The following CTDSPL variants were observed in gnomAD, a reference collection of about 807,000 sequenced individuals.
CTDSPL encodes the protein CTD small phosphatase like.
A neutral mutation model predicts 30.5 loss-of-function variants in CTDSPL; 8 were observed. The ratio of observed to expected loss-of-function variants is 0.26; its 90% confidence interval spans 0.15 to 0.47. The LOEUF (loss-of-function observed/expected upper bound fraction) is 0.47, where lower values mean the gene tolerates loss of function less well. CTDSPL is among the 20% of genes least tolerant of loss of function. The probability of loss-of-function intolerance (pLI) is 0.99; values close to 1 mark genes in which losing one functional copy is unlikely to be tolerated. For missense variants in CTDSPL, 248 were observed against 366.1 expected, an observed-to-expected ratio of 0.68 and a Z score of 2.63; for synonymous variants, 110 against 137.9, an observed-to-expected ratio of 0.80 and a Z score of 1.42.
intron 1 of CTDSPL, among the ~76,000 whole-genome samples, chr3:37,901,022 C>T (rs953545053): frequency 2.0e-5 from 3 of 152,148 alleles, no homozygotes; most frequent in Admixed American, 6.5e-5. Context: ...GTCTCAAACT[C>T]CTGACCTCAG....
chr3:37,894,699 A>G (rs1280683670), intron 1 of CTDSPL, among the ~76,000 whole-genome samples: 1 of 152,192 alleles, frequency 6.6e-6, no homozygotes, highest in East Asian at 1.9e-4. Context: ...AACCTATGGT[A>G]GACCTTTCAA....
intron 1 of CTDSPL, among the ~76,000 whole-genome samples, chr3:37,943,123 G>A (rs1472355795): frequency 6.7e-6 from 1 of 150,186 alleles, no homozygotes; most frequent in African/African-American, 2.4e-5. Context: ...GGAGTGGTGA[G>A]CCCCATTTAG....
intron 1 of CTDSPL, among the ~76,000 whole-genome samples, chr3:37,942,130 G>A (rs1370879719): frequency 6.7e-6 from 1 of 150,122 alleles, no homozygotes; most frequent in Non-Finnish European, 1.5e-5. Flanking sequence ...AATTTTTAGA[G>A]CAATTGATTA....
At chr3:37,974,450 G>A (rs1277095720) in intron 6 of CTDSPL, among the ~76,000 whole-genome samples, 2 of 152,242 alleles carry the variant, frequency 1.3e-5, no homozygotes, top group East Asian at 3.9e-4. Context: ...CCCTGGCAGA[G>A]TCACTGGGTC....
At chr3:37,899,891 C>G (rs901013316) in intron 1 of CTDSPL, among the ~76,000 whole-genome samples, 3 of 152,156 alleles carry the variant, frequency 2.0e-5, no homozygotes, top group African/African-American at 7.2e-5. Context: ...TTCTCTGGGT[C>G]TCAGTTTCCT....
intron 1 of CTDSPL, chr3:37,911,613 G>A: frequency 1.3e-5 from 6 of 452,580 alleles, no homozygotes; most frequent in South Asian, 7.8e-5. Flanking sequence ...CAAATAACAG[G>A]GATTTTTGTT....
chr3:37,971,708 G>T (rs1036046968), intron 6 of CTDSPL, among the ~76,000 whole-genome samples: 17 of 152,228 alleles, frequency 1.1e-4, no homozygotes, highest in African/African-American at 3.9e-4. Context: ...GGAGCACTTA[G>T]AACAAATGCT....
At chr3:37,869,649 G>A (rs529772305) in intron 1 of CTDSPL, among the ~76,000 whole-genome samples, 3 of 152,086 alleles carry the variant, frequency 2.0e-5, no homozygotes, top group African/African-American at 4.8e-5. Context: ...GCAGTATGTC[G>A]AACAAGAGTA....
At chr3:37,973,496 T>G (rs1206980789) in intron 6 of CTDSPL, among the ~76,000 whole-genome samples, 2 of 152,256 alleles carry the variant, frequency 1.3e-5, no homozygotes, top group African/African-American at 4.8e-5. Flanking sequence ...CCAGCCTTGC[T>G]GAGCCGAATC....
rs58061973 is a variant in CTDSPL, at chr3:37,964,032, TAAAAAAAAAAAAAAA to T, written c.268-516_268-502del. ...CAAGTTTTTTAAAAATCTCAGTCAC[TAAAAAAAAAAAAAAA>T]AAAAAAAAAAAAAAAAAAAAAATCT... On this transcript the variant is annotated intron_variant, in intron 3 of 7. Transcript: ENST00000273179. Among the ~76,000 whole-genome samples the T allele has an allele frequency of 2.4e-3, 56 of 22,990 alleles. No individual in the cohort carries two copies. The East Asian group carries it at 0.066, about 27-fold the overall frequency. 15.1% of individuals were successfully genotyped at this position (22,990 alleles called of 152,430 possible). A position where few individuals can be genotyped will look rare whatever the true frequency, so the allele number is the denominator to read the frequency against.
intron 1 of CTDSPL, among the ~76,000 whole-genome samples, chr3:37,935,586 A>G (rs1236785774): frequency 6.6e-6 from 1 of 152,218 alleles, no homozygotes; most frequent in Admixed American, 6.5e-5. Context: ...TGCTGAGGCA[A>G]GGAAGGGCAT....
intron 1 of CTDSPL, among the ~76,000 whole-genome samples, chr3:37,876,970 G>A (rs1423297221): frequency 3.9e-5 from 6 of 151,906 alleles, no homozygotes; most frequent in Admixed American, 2.6e-4. Flanking sequence ...GCCAGGTGTG[G>A]TGGTGCACGC....
chr3:37,870,402 G>A (rs1698059177), intron 1 of CTDSPL, among the ~76,000 whole-genome samples: 1 of 152,034 alleles, frequency 6.6e-6, no homozygotes, highest in Non-Finnish European at 1.5e-5. Context: ...AATCTGTAGT[G>A]TTATGCCCTG....
intron 1 of CTDSPL, among the ~76,000 whole-genome samples, chr3:37,920,332 G>A (rs1698699230): frequency 6.6e-6 from 1 of 152,244 alleles, no homozygotes; most frequent in African/African-American, 2.4e-5. Context: ...ACCAGGTCTT[G>A]GTGAGACTGA....
chr3:37,946,500 C>G (rs977206105), intron 1 of CTDSPL, among the ~76,000 whole-genome samples: 2 of 152,212 alleles, frequency 1.3e-5, no homozygotes, highest in Non-Finnish European at 2.9e-5. Flanking sequence ...TTGACAAACT[C>G]TTGGCGAGTT....
intron 4 of CTDSPL, among the ~76,000 whole-genome samples, chr3:37,967,480 C>A (rs1699310929): frequency 6.6e-6 from 1 of 152,246 alleles, no homozygotes; most frequent in Non-Finnish European, 1.5e-5. Flanking sequence ...AGCTCCTCCC[C>A]CTGGTGGCTA....
intron 1 of CTDSPL, among the ~76,000 whole-genome samples, chr3:37,874,894 A>G (rs1403540660): frequency 2.0e-5 from 3 of 152,188 alleles, no homozygotes; most frequent in East Asian, 1.9e-4. Flanking sequence ...AAAGAATTAT[A>G]TGTCTTAGAA....
intron 1 of CTDSPL, among the ~76,000 whole-genome samples, chr3:37,872,553 T>TG (rs1416678737): frequency 6.7e-6 from 1 of 148,820 alleles, no homozygotes; most frequent in Non-Finnish European, 1.5e-5. Flanking sequence ...TTTTTTTTTT[T>TG]TTTTTTAAAT....
chr3:37,872,619 G>A (rs374043284), intron 1 of CTDSPL, among the ~76,000 whole-genome samples: 70 of 131,516 alleles, frequency 5.3e-4, no homozygotes, highest in African/African-American at 2.0e-3. Flanking sequence ...CTGTTGCCCA[G>A]GCTGGAGTGA....
Sources: gnomAD v4.1 joint callset for allele counts (sites outside exome capture counted in the v4.1 genomes callset) on GRCh38, gnomAD v4.1.1 for gene constraint, MANE v1.5 for transcripts, NCBI Gene and HGNC (gene_info 2026-07-23, HGNC 2026-07-21) for gene names.